Variants in RNF180 observed in about 807,000 individuals in gnomAD.
RNF180 encodes E3 ubiquitin-protein ligase RNF180.
Under a neutral mutation model 59.2 loss-of-function variants are expected in RNF180, and 38 were observed. That is an observed-to-expected ratio of 0.64 (90% confidence interval 0.50 to 0.84). RNF180 has a LOEUF of 0.84. RNF180 is among the 40% of genes least tolerant of loss of function. The probability of loss-of-function intolerance (pLI) is 0.00; values close to 1 mark genes in which losing one functional copy is unlikely to be tolerated. For missense variants in RNF180, 705 were observed against 700.9 expected (o/e 1.01, Z -0.07); for synonymous variants, 262 against 240.3 (o/e 1.09, Z -0.84).
rs138069331 is a variant in RNF180 at position 64,287,049 on chromosome 5, C to G, written c.1228-38137C>G. Reference sequence around the variant, plus strand: ...TGGTGTGATCTCAGCTCACTGCAACCTCCACCTCCCAGCCTCAAGCAGTTC... The same window carrying G: ...TGGTGTGATCTCAGCTCACTGCAACGTCCACCTCCCAGCCTCAAGCAGTTC... On this transcript the variant is annotated intron_variant, in intron 5 of 7. Transcript: ENST00000389100. Among the ~76,000 whole-genome samples, 743 of 152,260 alleles carry G rather than the reference C, an allele frequency of 4.9e-3. 6 individuals carry two copies. The highest frequency in any genetic ancestry group is 0.017 in the African/African-American group (710 of 41,552).
chr5:64,182,957 G>A (rs763452706), intron 1 of RNF180, among the ~76,000 whole-genome samples: 3 of 152,120 alleles, frequency 2.0e-5, no homozygotes, highest in African/African-American at 4.8e-5. Context: ...ATTCCATCTC[G>A]GAGCTAGTTG....
At chr5:64,320,764 C>T (rs188796421) in intron 5 of RNF180, among the ~76,000 whole-genome samples, 17 of 152,298 alleles carry the variant, frequency 1.1e-4, no homozygotes, top group African/African-American at 3.8e-4. Context: ...TAAGGCTGGG[C>T]GCGATGGCTC....
intron 5 of RNF180, among the ~76,000 whole-genome samples, chr5:64,254,595 A>G (rs2112289723): frequency 6.6e-6 from 1 of 152,302 alleles, no homozygotes; most frequent in African/African-American, 2.4e-5. Context: ...AAGCAATCAT[A>G]AAGCAAGCCA....
chr5:64,300,813 T>C lies in RNF180; in HGVS notation c.1228-24373T>C, dbSNP rs564110636. 2.0e-5 allele frequency among the ~76,000 whole-genome samples: 3 copies of C among 151,928 alleles called. No individual in the cohort carries two copies. In the South Asian group the frequency reaches 6.2e-4, roughly 31 times the overall value. On this transcript the variant is annotated intron_variant, in intron 5 of 7. Coordinates refer to ENST00000389100, the MANE Select transcript of RNF180 (RefSeq NM_001113561.2). ...AGGATCATTTTATTCTCTAGTAAAG[T>C]GTCTCTCCATGTATTACTAACTCTT...
intron 5 of RNF180, among the ~76,000 whole-genome samples, chr5:64,285,536 A>G (rs1040332022): frequency 1.3e-5 from 2 of 151,948 alleles, no homozygotes; most frequent in South Asian, 4.1e-4. Context: ...ACAGGTGTGC[A>G]TCATGTGGGT....
At chr5:64,329,274 T>C (rs542028410) in intron 6 of RNF180, among the ~76,000 whole-genome samples, 1 of 152,230 alleles carries the variant, frequency 6.6e-6, no homozygotes, top group East Asian at 1.9e-4. Context: ...TCATAACACA[T>C]TATTCTCCTT....
intron 6 of RNF180, among the ~76,000 whole-genome samples, chr5:64,328,206 T>TG (rs140609893): frequency 2.0e-5 from 3 of 152,226 alleles, no homozygotes; most frequent in East Asian, 1.9e-4. Context: ...ACCACTTTTT[T>TG]GGGGGGGATT....
intron 7 of RNF180, among the ~76,000 whole-genome samples, chr5:64,357,730 A>T (rs1273033317): frequency 6.6e-6 from 1 of 151,838 alleles, no homozygotes; most frequent in Admixed American, 6.6e-5. Context: ...TCTATCTCTG[A>T]AACAAGCTTC....
At chr5:64,249,962 G>A (rs1743456780) in intron 5 of RNF180, among the ~76,000 whole-genome samples, 1 of 152,058 alleles carries the variant, frequency 6.6e-6, no homozygotes, top group South Asian at 2.1e-4. Context: ...AGATCAAATG[G>A]ACTTAACAGG....
chr5:64,291,723 G>A (rs180897235), intron 5 of RNF180, among the ~76,000 whole-genome samples: 21 of 152,010 alleles, frequency 1.4e-4, no homozygotes, highest in East Asian at 7.7e-4. Flanking sequence ...CACCGTGCCC[G>A]GCCCTGAAGT....
At position 64,258,301 on chromosome 5, in the gene RNF180, C is replaced by T. The variant is rs536211096; in HGVS notation, c.1227+40905C>T. ...AAATTTAAAAAAAGATTAAGAAAGA[C>T]CTAGTAAGGTTGTGTTTTGAATTCA... On this transcript the variant is annotated intron_variant, in intron 5 of 7. Transcript: ENST00000389100. 2.0e-5 allele frequency among the ~76,000 whole-genome samples: 3 copies of T among 152,206 alleles called. No homozygotes were observed. In the East Asian group the frequency reaches 5.8e-4, roughly 29 times the overall value.
In RNF180 at chr5:64,350,322, C is replaced by T. The variant is rs560360118; in HGVS notation, c.1580-19293C>T. Among the ~76,000 whole-genome samples the T allele has an allele frequency of 9.1e-3, 1,390 of 152,134 alleles. 10 individuals carry two copies. Among genetic ancestry groups the T allele is most frequent in the Admixed American group, 0.014 (208 of 15,276 alleles). On this transcript the variant is annotated intron_variant, in intron 7 of 7. Coordinates refer to ENST00000389100, the MANE Select transcript of RNF180 (RefSeq NM_001113561.2). ...TAGATTCTGGATATTAGCCCTTTGT[C>T]AGATGAGTAGATTGCAAAAATTTTC...
chr5:64,196,805 T>C (rs1003888348), intron 1 of RNF180, among the ~76,000 whole-genome samples: 2 of 152,230 alleles, frequency 1.3e-5, no homozygotes, highest in South Asian at 4.1e-4. Flanking sequence ...TTCTTTTCTG[T>C]TTTCTGGACT....
At chr5:64,212,419 A>C (rs767194115) in intron 3 of RNF180, among the ~76,000 whole-genome samples, 1 of 151,998 alleles carries the variant, frequency 6.6e-6, no homozygotes, top group African/African-American at 2.4e-5. Context: ...TATGACATAT[A>C]TATTATTATA....
rs773122664 is a variant in RNF180, at chr5:64,212,800, T to C, written c.231+640T>C. Among the ~76,000 whole-genome samples, 101 of 152,338 alleles carry C rather than the reference T, an allele frequency of 6.6e-4. 1 individual carries two copies. The highest frequency in any genetic ancestry group is 2.4e-3 in the African/African-American group (99 of 41,584). ...TCAAAACTCCTGTCTTAGAAAATTA[T>C]AAGTAGTAGGACTTTGGAAATATAT... is the stretch of plus-strand genomic sequence containing the variant. On this transcript the variant is annotated intron_variant, in intron 3 of 7. Transcript: ENST00000389100.
intron 1 of RNF180, among the ~76,000 whole-genome samples, chr5:64,178,202 CAAAA>C (rs67465847): frequency 2.3e-5 from 2 of 86,826 alleles, no homozygotes. Context: ...GACTCCATCT[CAAAA>C]AAAAAAAAAA....
At chr5:64,280,576 G>GT (rs147123750) in intron 5 of RNF180, among the ~76,000 whole-genome samples, 2,173 of 147,058 alleles carry the variant, frequency 0.015, 43 homozygotes, top group African/African-American at 0.046. Flanking sequence ...TTTCCTCATT[G>GT]TTTTTTTTTT....
intron 6 of RNF180, among the ~76,000 whole-genome samples, chr5:64,326,370 A>G (rs1744645511): frequency 6.6e-6 from 1 of 152,156 alleles, no homozygotes. Context: ...AGAAACTCCT[A>G]AATATTAATA....
rs1189682081 is a variant in RNF180, at chr5:64,166,084, G to A, written c.-1+131G>A. 6 of 152,236 alleles carry A rather than the reference G, an allele frequency of 3.9e-5. No individual in the cohort carries two copies. The South Asian group carries it at 6.2e-4, about 16-fold the overall frequency. The allele number at this position is 152,236 out of a possible 1,614,324, so 9.4% of individuals were successfully genotyped here. ...GTTGGCCCAGGCGGGGACGTGCCAA[G>A]GGGCTGGGCTAGGGTTGCCGCTGGC... On this transcript the variant is annotated intron_variant, in intron 1 of 7. Coordinates refer to ENST00000389100, the MANE Select transcript of RNF180 (RefSeq NM_001113561.2).
Sources: gnomAD v4.1 joint callset for allele counts (sites outside exome capture counted in the v4.1 genomes callset) on GRCh38, gnomAD v4.1.1 for gene constraint, MANE v1.5 for transcripts, NCBI Gene and HGNC (gene_info 2026-07-23, HGNC 2026-07-21) for gene names.